SYNE3: variants seen among roughly 807,000 people sequenced by gnomAD.
SYNE3 encodes the protein nesprin-3.
SYNE3 carries 100 observed loss-of-function variants against 111.2 expected under a neutral mutation model. The ratio of observed to expected loss-of-function variants is 0.90; its 90% CI spans 0.77 to 1.06. The LOEUF is 1.06. Ranked by LOEUF, SYNE3 falls within the 50% of genes least tolerant of loss-of-function variation. SYNE3 has a pLI of 0.00. For missense variants in SYNE3, 1,160 were observed against 1,240.3 expected (o/e 0.94, Z 0.97); for synonymous variants, 547 against 533.9 (o/e 1.02, Z -0.34).
intron 3 of SYNE3, 114 bp from the exon 4 acceptor site, chr14:95,466,354 A>G (rs1335396395): frequency 1.6e-6 from 2 of 1,269,480 alleles, no homozygotes; most frequent in Non-Finnish European, 2.1e-6. Flanking sequence ...TGGGGGCATG[A>G]TGATGCCCTT....
chr14:95,455,711 T>A lies in SYNE3; in HGVS notation c.803A>T (p.Asp268Val), dbSNP rs1156589343. ...CAGAGACTCCTCGCCCCTGGGAAAATCTTTGGCAATGTCCTGAAGAGGGTA... is the reference window on the plus strand; with the variant it reads ...CAGAGACTCCTCGCCCCTGGGAAAAACTTTGGCAATGTCCTGAAGAGGGTA... ...RLSTLQDIAK[D>V]FPRGEESLET... Residue 268 changes from aspartate to valine, a missense_variant, in exon 6 of 18, where the codon GAT (aspartate) becomes GTT (valine). Asp to Val is a radical substitution (Grantham distance 152, BLOSUM62 -3). Coordinates refer to ENST00000682763, the MANE Select transcript of SYNE3 (RefSeq NM_152592.6). 6.2e-7 allele frequency: 1 copy of A among 1,613,848 alleles called. No homozygotes were observed.
At chr14:95,476,016 A>G (rs1888867929) in intron 1 of SYNE3, among the ~76,000 whole-genome samples, 181 bp from the exon 2 acceptor site, 1 of 152,226 alleles carries the variant, frequency 6.6e-6, no homozygotes, top group African/African-American at 2.4e-5. Flanking sequence ...AGGGAATGAA[A>G]ACAGGTCTGG....
intron 2 of SYNE3, among the ~76,000 whole-genome samples, chr14:95,473,484 C>T (rs1209709570): frequency 2.0e-5 from 3 of 151,992 alleles, no homozygotes; most frequent in Non-Finnish European, 2.9e-5. Context: ...GAGAGATGCA[C>T]GGACAGGAGG....
At chr14:95,504,723 G>A (rs1453511751) in intron 1 of SYNE3, among the ~76,000 whole-genome samples, 3 of 152,192 alleles carry the variant, frequency 2.0e-5, no homozygotes, top group African/African-American at 7.2e-5. Context: ...GTTCATGGCT[G>A]TAATGCCAGC....
chr14:95,501,605 G>C (rs1417589297), intron 1 of SYNE3, among the ~76,000 whole-genome samples: 2 of 152,204 alleles, frequency 1.3e-5, no homozygotes, highest in African/African-American at 4.8e-5. Context: ...GTTCAGAGGG[G>C]ACACAGCAGG....
intron 6 of SYNE3, among the ~76,000 whole-genome samples, chr14:95,453,910 C>G (rs530728395): frequency 2.6e-5 from 4 of 152,354 alleles, no homozygotes; most frequent in African/African-American, 9.6e-5. Flanking sequence ...TAAAATAAGA[C>G]CACATCCCTT....
At chr14:95,465,796 T>G in intron 4 of SYNE3, 135 bp downstream of exon 4, 1 of 978,838 alleles carries the variant, frequency 1.0e-6, no homozygotes, top group Non-Finnish European at 1.4e-6. Flanking sequence ...GGTGAGTAGA[T>G]GGATTGATAG....
intron 1 of SYNE3, among the ~76,000 whole-genome samples, chr14:95,492,667 T>C (rs1347757850): frequency 6.6e-6 from 1 of 152,142 alleles, no homozygotes. Context: ...TTGGAGGTAG[T>C]AAGAATATTC....
At chr14:95,436,533 A>G (rs561959384) in intron 15 of SYNE3, among the ~76,000 whole-genome samples, 1 of 152,294 alleles carries the variant, frequency 6.6e-6, no homozygotes, top group South Asian at 2.1e-4. Flanking sequence ...TCAGCCACAA[A>G]CTGTTGGGAT....
At chr14:95,420,284 G>C (rs1217407124) in intron 17 of SYNE3, among the ~76,000 whole-genome samples, 1 of 152,080 alleles carries the variant, frequency 6.6e-6, no homozygotes. Context: ...TGCTGGGTTG[G>C]GTGGGGCCAA....
rs386382233 is a variant in SYNE3 at position 95,503,610 on chromosome 14, CTTTTTTT to C, written c.-15+12979_-15+12985del. Among the ~76,000 whole-genome samples the C allele has an allele frequency of 7.6e-5, 7 of 91,888 alleles. No homozygotes were observed. In the East Asian group the frequency reaches 1.3e-3, roughly 17 times the overall value. 60.3% of individuals were successfully genotyped at this position (91,888 alleles called of 152,430 possible). On this transcript the variant is annotated intron_variant, in intron 1 of 17. Transcript: ENST00000682763. ...AGATTGAGACTTGTTTCAGAACTAC[CTTTTTTT>C]TTTTTTTTTTTTTTTTTTTTGAGAC... is the stretch of plus-strand genomic sequence containing the variant.
intron 11 of SYNE3, 91 bp downstream of exon 11, chr14:95,443,064 A>T (rs1044295792): frequency 5.4e-6 from 8 of 1,492,722 alleles, no homozygotes; most frequent in Non-Finnish European, 7.3e-6. Context: ...AGAAGGAATG[A>T]AGGCAGGAAA....
intron 2 of SYNE3, among the ~76,000 whole-genome samples, chr14:95,473,950 T>A (rs560431355): frequency 6.2e-4 from 93 of 150,046 alleles, no homozygotes; most frequent in Non-Finnish European, 1.8e-4. Flanking sequence ...AAGGCCAGTG[T>A]GAGCTTGCGA....
At chr14:95,513,176 C>T (rs1241808711) in intron 1 of SYNE3, among the ~76,000 whole-genome samples, 1 of 152,232 alleles carries the variant, frequency 6.6e-6, no homozygotes, top group Non-Finnish European at 1.5e-5. Context: ...TCCTCTCTCA[C>T]CTTTCCTCAG....
rs1216829217 is a variant in SYNE3, at chr14:95,485,779, T to G, written c.-14-9944A>C. ...TCCTATGCAGACATCCATCTCAGCC[T>G]GGATCCCACTGGACTATAAATATCT... On this transcript the variant is annotated intron_variant, in intron 1 of 17. Coordinates refer to ENST00000682763, the MANE Select transcript of SYNE3 (RefSeq NM_152592.6). The surrounding 1 kb of genome is among the most constrained non-coding windows in gnomAD (Gnocchi z 4.3). Among the ~76,000 whole-genome samples, 1 of 152,154 alleles carries G rather than the reference T, an allele frequency of 6.6e-6. No individual in the cohort carries two copies. The highest frequency in any genetic ancestry group is 1.5e-5 in the Non-Finnish European group (1 of 68,032).
intron 17 of SYNE3, among the ~76,000 whole-genome samples, chr14:95,421,612 C>A (rs750133247): frequency 1.3e-5 from 2 of 152,174 alleles, no homozygotes; most frequent in Non-Finnish European, 2.9e-5. Flanking sequence ...GCATAAAGTG[C>A]ACAGTAGGCA....
intron 4 of SYNE3, among the ~76,000 whole-genome samples, chr14:95,459,608 G>T (rs1887666716): frequency 1.3e-5 from 2 of 152,204 alleles, no homozygotes; most frequent in Non-Finnish European, 2.9e-5. Flanking sequence ...TGGGAAGAGT[G>T]AACGGGTAAG....
intron 4 of SYNE3, among the ~76,000 whole-genome samples, chr14:95,462,069 C>T (rs1887860370): frequency 6.6e-6 from 1 of 152,212 alleles, no homozygotes; most frequent in Admixed American, 6.5e-5. Context: ...GCCTCTCAGG[C>T]TTCGGAAGAA....
At position 95,409,207 on chromosome 14, in the gene SYNE3, C is replaced by T. The variant is rs900637008; in HGVS notation, c.*8619G>A. ...CTGGGTACAAGTCCCAAATTTACCA[C>T]TCCCCGCCTAGCTGGCTGCTCTGAG... On this transcript the variant is annotated 3_prime_UTR_variant, in exon 18 of 18. Coordinates refer to ENST00000682763, the MANE Select transcript of SYNE3 (RefSeq NM_152592.6). 1.1e-5 allele frequency: 5 copies of T among 456,810 alleles called. No homozygotes were observed. The highest frequency in any genetic ancestry group is 6.2e-5 in the South Asian group (4 of 64,574). 28.3% of individuals were successfully genotyped at this position (456,810 alleles called of 1,614,324 possible). A position where few individuals can be genotyped will look rare whatever the true frequency, so the allele number is the denominator to read the frequency against.
Sources: gnomAD v4.1 joint callset for allele counts (sites outside exome capture counted in the v4.1 genomes callset) on GRCh38, gnomAD v4.1.1 for gene constraint, Gnocchi (gnomAD v3.1) non-coding constraint, MANE v1.5 for transcripts, NCBI Gene and HGNC (gene_info 2026-07-23, HGNC 2026-07-21) for gene names.